The following SAMMSON variants were observed in gnomAD, a reference collection of about 807,000 sequenced individuals.
SAMMSON encodes survival associated mitochondrial melanoma specific oncogenic non-coding RNA.
intron 3 of SAMMSON, among the ~76,000 whole-genome samples, chr3:70,028,134 C>T (rs1299644360): frequency 7.8e-6 from 1 of 128,094 alleles, no homozygotes; most frequent in African/African-American, 3.0e-5. Flanking sequence ...TCCGTCCCTT[C>T]CTTCCTTCTT....
At chr3:70,242,006 T>C (rs1575604806) in intron 4 of SAMMSON, among the ~76,000 whole-genome samples, 2 of 152,250 alleles carry the variant, frequency 1.3e-5, no homozygotes, top group South Asian at 4.2e-4. Flanking sequence ...CCAACACAGT[T>C]CTTCTGTGTG....
At chr3:70,225,971 G>GACAGGAT (rs1024627824) in intron 4 of SAMMSON, among the ~76,000 whole-genome samples, 3 of 152,090 alleles carry the variant, frequency 2.0e-5, no homozygotes, top group Non-Finnish European at 4.4e-5. Context: ...TAACAATGTA[G>GACAGGAT]ACAGGATGAG....
intron 4 of SAMMSON, among the ~76,000 whole-genome samples, chr3:70,159,149 A>G (rs1576138816): frequency 6.6e-6 from 1 of 151,932 alleles, no homozygotes; most frequent in Non-Finnish European, 1.5e-5. Flanking sequence ...CATACATGTA[A>G]GGTTTTTATC....
chr3:70,150,940 A>T (rs2067568792), intron 4 of SAMMSON, among the ~76,000 whole-genome samples: 1 of 152,088 alleles, frequency 6.6e-6, no homozygotes, highest in Admixed American at 6.6e-5. Context: ...CTATACTAAA[A>T]AATGTGACAT....
intron 6 of SAMMSON, among the ~76,000 whole-genome samples, chr3:70,267,580 T>TG (rs1701930410): frequency 2.8e-5 from 4 of 144,782 alleles, no homozygotes; most frequent in Non-Finnish European, 6.1e-5. Context: ...TTTTTTGTAT[T>TG]TTTTTTTTTT....
chr3:70,395,331 CTTTTTTTT>C (rs71126501), intron 2 of SAMMSON, among the ~76,000 whole-genome samples: 2 of 113,620 alleles, frequency 1.8e-5, no homozygotes, highest in African/African-American at 3.5e-5. Context: ...CTCTCTCTCT[CTTTTTTTT>C]TTTTTTTTTT....
At chr3:70,007,523 C>A (rs1431009411) in intron 1 of SAMMSON, among the ~76,000 whole-genome samples, 5 of 152,036 alleles carry the variant, frequency 3.3e-5, no homozygotes, top group African/African-American at 1.2e-4. Flanking sequence ...TGTTTGAGTT[C>A]ATTGTAGATT....
chr3:70,300,159 T>A, intron 7 of SAMMSON, among the ~76,000 whole-genome samples: 1 of 152,106 alleles, frequency 6.6e-6, no homozygotes, highest in East Asian at 1.9e-4. Flanking sequence ...TTCCATTTAT[T>A]CATGTCATTT....
chr3:70,189,559 A>G (rs188627890), intron 4 of SAMMSON, among the ~76,000 whole-genome samples: 220 of 152,136 alleles, frequency 1.4e-3, no homozygotes, highest in Non-Finnish European at 2.8e-3. Flanking sequence ...TAGCAAAGTC[A>G]CTCCTTGGCT....
intron 3 of SAMMSON, among the ~76,000 whole-genome samples, chr3:70,026,102 T>C (rs2067036147): frequency 6.6e-6 from 1 of 152,182 alleles, no homozygotes; most frequent in African/African-American, 2.4e-5. Flanking sequence ...TGGAAAATCG[T>C]TTAATGACAC....
intron 4 of SAMMSON, among the ~76,000 whole-genome samples, chr3:70,195,544 A>AT (rs1701167800): frequency 6.6e-6 from 1 of 152,152 alleles, no homozygotes; most frequent in Non-Finnish European, 1.5e-5. Flanking sequence ...GCAAATGGTG[A>AT]TTTTGCCTGA....
At position 70,201,124 on chromosome 3, in the gene SAMMSON, A is replaced by G. The variant is rs555971164; in HGVS notation, n.508-47983A>G. On this transcript the variant is annotated intron_variant and non_coding_transcript_variant, in intron 4 of 9. Transcript: ENST00000642114. The stretch of plus-strand genomic sequence containing the variant: ...AGGTAAACTTGTGTCATGGAGGTTT[A>G]TTGGACAGTTTATTTCATCACCCAG... Among the ~76,000 whole-genome samples, 3 of 151,832 alleles carry G rather than the reference A, an allele frequency of 2.0e-5. No individual in the cohort carries two copies. The South Asian group carries it at 6.2e-4, about 32-fold the overall frequency.
intron 4 of SAMMSON, among the ~76,000 whole-genome samples, chr3:70,194,890 G>A (rs1177321017): frequency 6.6e-6 from 1 of 152,160 alleles, no homozygotes; most frequent in African/African-American, 2.4e-5. Flanking sequence ...ACGGGTAGAG[G>A]GGTGGGTGCT....
At chr3:70,069,095 G>C (rs1254992457) in intron 3 of SAMMSON, 1 of 151,998 alleles carries the variant, frequency 6.6e-6, no homozygotes, top group Non-Finnish European at 1.5e-5. Flanking sequence ...GATGCCTACT[G>C]TGGTTAGGAA....
chr3:70,419,438 A>G (rs1335124278), intron 2 of SAMMSON, among the ~76,000 whole-genome samples: 3 of 152,162 alleles, frequency 2.0e-5, no homozygotes, highest in African/African-American at 7.2e-5. Flanking sequence ...ATCCTCCTGC[A>G]TAGTTATTGT....
intron 7 of SAMMSON, among the ~76,000 whole-genome samples, chr3:70,324,020 C>A (rs1702557756): frequency 6.6e-6 from 1 of 152,074 alleles, no homozygotes; most frequent in Admixed American, 6.6e-5. Context: ...ATTCATTCGT[C>A]CCTTCCTGAC....
At position 70,126,401 on chromosome 3, in the gene SAMMSON, G is replaced by A; in HGVS notation, n.507+54836G>A. On this transcript the variant is annotated intron_variant and non_coding_transcript_variant, in intron 4 of 9. Coordinates refer to ENST00000642114, the Ensembl canonical transcript of SAMMSON. Reference sequence around the variant, plus strand: ...CCTTTATAGCTGCTTTTTAGGGAATGTGGCAAAAGCTGTATGTTTCAGCTG... The same window carrying A: ...CCTTTATAGCTGCTTTTTAGGGAATATGGCAAAAGCTGTATGTTTCAGCTG... 5 of 830,804 alleles carry A rather than the reference G, an allele frequency of 6.0e-6. No homozygotes were observed. In the South Asian group the frequency reaches 7.2e-5, roughly 12 times the overall value. 51.5% of individuals were successfully genotyped at this position (830,804 alleles called of 1,614,324 possible).
intron 2 of SAMMSON, among the ~76,000 whole-genome samples, chr3:70,418,919 TCTTTCCTTTC>T (rs200336047): frequency 0.04 from 3,435 of 84,988 alleles, 209 homozygotes; most frequent in African/African-American, 0.11. Flanking sequence ...ATGTTTGCTT[TCTTTCCTTTC>T]CTTTCCTTTC....
chr3:70,181,904 C>T (rs1701055761), intron 4 of SAMMSON, among the ~76,000 whole-genome samples: 1 of 152,044 alleles, frequency 6.6e-6, no homozygotes, highest in African/African-American at 2.4e-5. Context: ...GATTTAGTAT[C>T]AGTGATGGGC....
Sources: gnomAD v4.1 joint callset for allele counts (sites outside exome capture counted in the v4.1 genomes callset) on GRCh38, gnomAD v4.1.1 for gene constraint, MANE v1.5 for transcripts, NCBI Gene and HGNC (gene_info 2026-07-23, HGNC 2026-07-21) for gene names.